Variants in RC3H2 observed in about 807,000 individuals in gnomAD.
RC3H2 encodes ring finger and CCCH-type domains 2, also known as roquin-2.
In RC3H2, 31 loss-of-function variants were observed where a neutral mutation model predicts 133.3. The observed-to-expected ratio is 0.23, with a 90% CI of 0.17 to 0.31. The LOEUF (loss-of-function observed/expected upper bound fraction) is 0.31. Among genes scored for constraint, RC3H2 ranks in the 10% least tolerant of loss-of-function variants. The pLI, the probability that RC3H2 is intolerant of heterozygous loss-of-function variation, is 1.00. For synonymous variants in RC3H2, 517 were observed against 502.2 expected (o/e 1.03, Z -0.40); for missense variants, 1,175 against 1,437.2 (o/e 0.82, Z 2.95).
chr9:122,879,625 C>A, intron 8 of RC3H2, 130 bp downstream of exon 8: 1 of 630,576 alleles, frequency 1.6e-6, no homozygotes, highest in East Asian at 2.7e-5. Context: ...GGGTTCCTCC[C>A]AAAAGAATAG....
chr9:122,862,083 T>G (rs981902526), intron 10 of RC3H2, among the ~76,000 whole-genome samples: 1 of 152,228 alleles, frequency 6.6e-6, no homozygotes, highest in African/African-American at 2.4e-5. Context: ...AAATTTGGAT[T>G]AGTACTTTGA....
At chr9:122,901,620 C>T (rs1832652298) in intron 1 of RC3H2, among the ~76,000 whole-genome samples, 1 of 133,418 alleles carries the variant, frequency 7.5e-6, no homozygotes, top group Non-Finnish European at 1.5e-5. Context: ...ATGGAGGAGT[C>T]TCACTCTGTT....
intron 1 of RC3H2, among the ~76,000 whole-genome samples, chr9:122,900,633 T>C (rs183443405): frequency 1.4e-4 from 22 of 152,308 alleles, no homozygotes; most frequent in African/African-American, 3.8e-4. Context: ...CCTATACTAA[T>C]ACATTTTATG....
At chr9:122,890,859 C>T (rs1290285621) in intron 3 of RC3H2, among the ~76,000 whole-genome samples, 1 of 152,030 alleles carries the variant, frequency 6.6e-6, no homozygotes, top group African/African-American at 2.4e-5. Context: ...AAGAATATTG[C>T]TCCAGCAATT....
At chr9:122,904,631 A>G (rs1410776773) in intron 1 of RC3H2, among the ~76,000 whole-genome samples, 2 of 152,164 alleles carry the variant, frequency 1.3e-5, no homozygotes, top group Non-Finnish European at 2.9e-5. Flanking sequence ...CTGGGAGGTT[A>G]AGCCCTCCCA....
intron 9 of RC3H2, among the ~76,000 whole-genome samples, chr9:122,871,398 C>T (rs887348583): frequency 6.6e-6 from 1 of 151,832 alleles, no homozygotes; most frequent in Non-Finnish European, 1.5e-5. Flanking sequence ...CCCAGGTTCA[C>T]GCCATTCTCC....
Position 122,849,608 on chromosome 9 carries a change from T to TG in RC3H2, c.*18_*19insC. On this transcript the variant is annotated 3_prime_UTR_variant, in exon 21 of 21. Transcript: ENST00000357244. ...ATGCTTCCATGGTGTGGTCACAAATTTGAAAGATGAACCTCCTTTCAGCTG... is the reference window on the plus strand; with the variant it reads ...ATGCTTCCATGGTGTGGTCACAAATTGTGAAAGATGAACCTCCTTTCAGCTG... 6.3e-7 allele frequency: 1 copy of TG among 1,579,548 alleles called. No individual in the cohort carries two copies. The highest frequency in any genetic ancestry group is 8.7e-7 in the Non-Finnish European group (1 of 1,153,620).
At chr9:122,850,528 C>T (rs4838018) in intron 20 of RC3H2, among the ~76,000 whole-genome samples, 34,398 of 151,166 alleles carry the variant, frequency 0.23, 5,300 homozygotes, top group East Asian at 0.65. Flanking sequence ...TCACTGTCTC[C>T]GCCTCCCGGG....
chr9:122,887,165 T>C (rs1465116411), intron 4 of RC3H2, among the ~76,000 whole-genome samples: 1 of 152,218 alleles, frequency 6.6e-6, no homozygotes, highest in African/African-American at 2.4e-5. Context: ...CATTTGGGGA[T>C]GTAAAATTGT....
intron 20 of RC3H2, among the ~76,000 whole-genome samples, chr9:122,850,606 C>A (rs1379679298): frequency 6.6e-6 from 1 of 151,860 alleles, no homozygotes; most frequent in East Asian, 1.9e-4. Flanking sequence ...CTATGCCCAG[C>A]TAATTTTTTT....
Position 122,896,067 on chromosome 9 carries a change from A to ATG in RC3H2, c.231+1211_231+1212insCA, listed in dbSNP as rs1276654550. On this transcript the variant is annotated intron_variant, in intron 2 of 20. Transcript: ENST00000357244. ...TGGCTTCCGTGGGCCATACTGGAAG[A>ATG]ATTGTCTTGGGCCACACATAAGATA... 4.2e-3 allele frequency among the ~76,000 whole-genome samples: 643 copies of ATG among 151,974 alleles called. 3 individuals are homozygous for ATG. Among genetic ancestry groups the ATG allele is most frequent in the African/African-American group, 0.015 (610 of 41,414 alleles).
rs1305267420 is a variant in RC3H2 at position 122,868,915 on chromosome 9, TGG to T, written c.1326-3260_1326-3259del. Among the ~76,000 whole-genome samples, 73 of 47,500 alleles carry T rather than the reference TGG, an allele frequency of 1.5e-3. 5 individuals carry two copies. Among genetic ancestry groups the T allele is most frequent in the East Asian group, 7.4e-3 (3 of 408 alleles). The allele number at this position is 47,500 out of a possible 152,430, so 31.2% of individuals were successfully genotyped here. A position where few individuals can be genotyped will look rare whatever the true frequency, so the allele number is the denominator to read the frequency against. ...TATGTGTTTTTTTTTTTTTTTTTTG[TGG>T]GGGGGTTAAGTTCCACTCTTGTCGC... On this transcript the variant is annotated intron_variant, in intron 9 of 20. Coordinates refer to ENST00000357244, the MANE Select transcript of RC3H2 (RefSeq NM_001100588.3).
chr9:122,883,547 G>A (rs1315236847), intron 4 of RC3H2, among the ~76,000 whole-genome samples, 168 bp from the exon 5 acceptor site: 1 of 152,004 alleles, frequency 6.6e-6, no homozygotes, highest in Admixed American at 6.6e-5. Flanking sequence ...AAGTAATCAA[G>A]CAAAATAAAA....
chr9:122,883,230 G>A lies in RC3H2; in HGVS notation c.733C>T (p.Leu245=), dbSNP rs1302693454. 3.1e-6 allele frequency: 5 copies of A among 1,613,410 alleles called. No homozygotes were observed. The highest frequency in any genetic ancestry group is 4.2e-6 in the Non-Finnish European group (5 of 1,179,828). ...TTAAAACAAGAAGCTCGATACAGTA[G>A]TTGCACAACATGACCAATACTTGTT... The part of the protein sequence containing the change: ...SKTSIGHVVQ[L]LYRASCFKVT... Residue 245 remains leucine (L), a synonymous_variant, in exon 5 of 21, where the codon CTA becomes TTA. Coordinates refer to ENST00000357244, the MANE Select transcript of RC3H2 (RefSeq NM_001100588.3).
chr9:122,875,196 C>CAA, intron 9 of RC3H2: 2 of 1,551,028 alleles, frequency 1.3e-6, no homozygotes, highest in Non-Finnish European at 1.7e-6. Context: ...CTAGGCACTT[C>CAA]AAGTGGGGAA....
At chr9:122,878,328 G>A (rs1177624280) in intron 8 of RC3H2, among the ~76,000 whole-genome samples, 1 of 151,814 alleles carries the variant, frequency 6.6e-6, no homozygotes, top group Admixed American at 6.6e-5. Context: ...GTGCAGTGGC[G>A]CCATCTCAGC....
At chr9:122,855,665 T>G (rs1426742794) in intron 14 of RC3H2, 67 bp downstream of exon 14, 1 of 1,519,788 alleles carries the variant, frequency 6.6e-7, no homozygotes, top group African/African-American at 1.4e-5. Context: ...AAAACATTCA[T>G]TCTACAACAT....
At chr9:122,872,199 G>A (rs941960729) in intron 9 of RC3H2, among the ~76,000 whole-genome samples, 2 of 152,186 alleles carry the variant, frequency 1.3e-5, no homozygotes, top group African/African-American at 4.8e-5. Flanking sequence ...AAGTTATGCA[G>A]GCTCCATACC....
intron 13 of RC3H2, among the ~76,000 whole-genome samples, chr9:122,856,707 C>T (rs1830263608): frequency 6.6e-6 from 1 of 152,102 alleles, no homozygotes; most frequent in Non-Finnish European, 1.5e-5. Flanking sequence ...ATAAGGAATA[C>T]TTATAGGACC....
Sources: gnomAD v4.1 joint callset for allele counts (sites outside exome capture counted in the v4.1 genomes callset) on GRCh38, gnomAD v4.1.1 for gene constraint, MANE v1.5 for transcripts, NCBI Gene and HGNC (gene_info 2026-07-23, HGNC 2026-07-21) for gene names.